The following NUP98 variants were observed in gnomAD, a reference collection of about 807,000 sequenced individuals.
The protein encoded by NUP98 is nucleoporin 98 and 96 precursor, also known as nuclear pore complex protein Nup98-Nup96.
Under a neutral mutation model 191.9 loss-of-function variants are expected in NUP98, and 26 were observed. That is an observed-to-expected ratio of 0.14 (90% CI 0.10 to 0.19). NUP98 has a LOEUF of 0.19. Among genes scored for constraint, NUP98 ranks in the 10% least tolerant of loss-of-function variants. NUP98 has a pLI of 1.00. For missense variants in NUP98, 1,941 were observed against 2,178.8 expected (o/e 0.89, Z 2.17); for synonymous variants, 808 against 778.4 (o/e 1.04, Z -0.63).
Position 3,763,047 on chromosome 11 carries a change from G to T in NUP98, c.949-8C>A. On this transcript the variant is annotated splice_region_variant and splice_polypyrimidine_tract_variant and intron_variant, in intron 8 of 32. Coordinates refer to ENST00000324932, the MANE Select transcript of NUP98 (RefSeq NM_016320.5). The stretch of plus-strand genomic sequence containing the variant: ...GGTTACTCCAAATAATCCCTGCAAA[G>T]AAGTTTATATAGATTAAAAGATATC... The T allele has an allele frequency of 6.2e-7, 1 of 1,613,504 alleles. No individual in the cohort carries two copies. Among genetic ancestry groups the T allele is most frequent in the Non-Finnish European group, 8.5e-7 (1 of 1,179,708 alleles).
intron 26 of NUP98, among the ~76,000 whole-genome samples, chr11:3,694,744 G>GAAA (rs746185283): frequency 8.1e-5 from 10 of 123,004 alleles, no homozygotes; most frequent in African/African-American, 2.9e-4. Flanking sequence ...TGTCTCAAGA[G>GAAA]AAAAAAAAAA....
At chr11:3,794,450 A>G (rs2082461194) in intron 1 of NUP98, among the ~76,000 whole-genome samples, 1 of 152,064 alleles carries the variant, frequency 6.6e-6, no homozygotes, top group Non-Finnish European at 1.5e-5. Flanking sequence ...CCTCCCGAGT[A>G]GCTGGGGCAA....
At chr11:3,754,528 T>C (rs760380443) in intron 10 of NUP98, among the ~76,000 whole-genome samples, 50 of 152,180 alleles carry the variant, frequency 3.3e-4, no homozygotes, top group Non-Finnish European at 5.9e-4. Flanking sequence ...CTTTCCACAG[T>C]AGCTTTTATT....
intron 12 of NUP98, among the ~76,000 whole-genome samples, chr11:3,743,548 G>T (rs1214457413): frequency 6.7e-6 from 1 of 149,050 alleles, no homozygotes; most frequent in African/African-American, 2.5e-5. Flanking sequence ...TCAAGAGGCT[G>T]AGGCGGGAGA....
At chr11:3,735,850 C>T (rs61877589) in intron 12 of NUP98, among the ~76,000 whole-genome samples, 13 of 132,880 alleles carry the variant, frequency 9.8e-5, no homozygotes, top group East Asian at 2.3e-4. Context: ...TGTGTGTGTG[C>T]GTGCGTGTAT....
intron 1 of NUP98, among the ~76,000 whole-genome samples, chr11:3,787,103 T>C (rs1273866827): frequency 8.6e-5 from 13 of 151,974 alleles, no homozygotes; most frequent in African/African-American, 2.9e-4. Context: ...TGAATGAAAA[T>C]TTTTGCCCTA....
chr11:3,729,819 C>A (rs2079774465), intron 14 of NUP98, among the ~76,000 whole-genome samples: 1 of 151,174 alleles, frequency 6.6e-6, no homozygotes, highest in South Asian at 2.1e-4. Flanking sequence ...GTATGTCCTC[C>A]CACTCTAATC....
chr11:3,728,093 G>A (rs74049663), intron 14 of NUP98, among the ~76,000 whole-genome samples: 1,711 of 152,288 alleles, frequency 0.011, 33 homozygotes, highest in African/African-American at 0.039. Flanking sequence ...AGTACAGAGC[G>A]TCAGGGTTAA....
At chr11:3,760,357 C>T in intron 10 of NUP98, 182 bp downstream of exon 10, 1 of 800,898 alleles carries the variant, frequency 1.2e-6, no homozygotes, top group Non-Finnish European at 2.0e-6. Context: ...AAACCTTTCC[C>T]TCTGGTACTT....
In NUP98 at chr11:3,773,642, T is replaced by G. The variant is rs750537531; in HGVS notation, c.593A>C (p.Lys198Thr). The change falls in exon 6 of 33, where the codon AAG becomes ACG. Residue 198 changes from lysine (K) to threonine (T), a missense_variant. Physicochemically the swap from Lys to Thr is moderately conservative, Grantham distance 78 (BLOSUM62 -1). Around this residue, in one of 6 missense-constraint regions of NUP98, gnomAD observed 28 missense variants for 74.0 expected, o/e 0.38. Coordinates refer to ENST00000324932, the MANE Select transcript of NUP98 (RefSeq NM_016320.5). ...TTGTATTTTACTGACCTCTAGTGACTTGCTTTCATATTCTTTCATAGCAGT... is the reference window on the plus strand; with the variant it reads ...TTGTATTTTACTGACCTCTAGTGACGTGCTTTCATATTCTTTCATAGCAGT... Reference protein sequence around the residue: ...CITAMKEYESKSLEELRLEDY... With the variant: ...CITAMKEYESTSLEELRLEDY... 1 of 1,599,752 alleles carries G rather than the reference T, an allele frequency of 6.3e-7. No individual in the cohort carries two copies. The highest frequency in any genetic ancestry group is 8.6e-7 in the Non-Finnish European group (1 of 1,168,178).
rs781458995 is a variant in NUP98 at position 3,679,681 on chromosome 11, T to C, written c.4946A>G (p.Tyr1649Cys). ...SDAIINENYD[Y>C]LKGFLEDLAP... ...CAGGTCTTCCAAGAACCCCTTCAGG[T>C]AGTCATAGTTCTCATTAATGATGGC... The change falls in exon 31 of 33, where the codon TAC (tyrosine) becomes TGC (cysteine). Residue 1649 changes from tyrosine (Y) to cysteine (C), a missense_variant. Transcript: ENST00000324932. 6 of 1,613,918 alleles carry C rather than the reference T, an allele frequency of 3.7e-6. No individual in the cohort carries two copies. The South Asian group carries it at 5.5e-5, about 15-fold the overall frequency.
chr11:3,732,537 G>A (rs542230412), intron 13 of NUP98, among the ~76,000 whole-genome samples: 2 of 151,426 alleles, frequency 1.3e-5, no homozygotes, highest in Non-Finnish European at 2.9e-5. Flanking sequence ...TTGCTCTGGG[G>A]AAAAAAAAGG....
intron 14 of NUP98, among the ~76,000 whole-genome samples, 183 bp downstream of exon 14, chr11:3,731,208 G>A (rs1003856140): frequency 6.6e-6 from 1 of 152,148 alleles, no homozygotes; most frequent in Non-Finnish European, 1.5e-5. Flanking sequence ...AGGTTGCAGT[G>A]AGCAAAGATC....
chr11:3,776,094 G>A, intron 4 of NUP98, 73 bp from the exon 5 acceptor site: 2 of 1,155,126 alleles, frequency 1.7e-6, no homozygotes, highest in Non-Finnish European at 2.5e-6. Context: ...TTGGAATTGG[G>A]CTATGGCACT....
At chr11:3,785,546 G>C (rs1171549317) in intron 1 of NUP98, among the ~76,000 whole-genome samples, 11 of 152,054 alleles carry the variant, frequency 7.2e-5, no homozygotes, top group Non-Finnish European at 1.5e-4. Flanking sequence ...ATCACTTGAG[G>C]CCAAGAGTTT....
Position 3,699,062 on chromosome 11 carries a change from G to A in NUP98, c.4009+20C>T, listed in dbSNP as rs747352138. 7 of 1,610,158 alleles carry A rather than the reference G, an allele frequency of 4.3e-6. No individual in the cohort carries two copies. Among genetic ancestry groups the A allele is most frequent in the Non-Finnish European group, 5.1e-6 (6 of 1,178,356 alleles). ...AGGAAGGCGACAGAGGCGCAGAGAA[G>A]GACCATATGCCTTCCCCACCTGACT... On this transcript the variant is annotated intron_variant, in intron 25 of 32. Transcript: ENST00000324932.
intron 25 of NUP98, 70 bp downstream of exon 25, chr11:3,699,012 C>T (rs2078597614): frequency 3.2e-6 from 5 of 1,547,040 alleles, no homozygotes; most frequent in Non-Finnish European, 1.8e-6. Flanking sequence ...GCACAATTAG[C>T]GGGGAGCGGT....
chr11:3,748,783 A>G (rs1041583879), intron 11 of NUP98, among the ~76,000 whole-genome samples: 5 of 152,192 alleles, frequency 3.3e-5, no homozygotes, highest in Non-Finnish European at 5.9e-5. Flanking sequence ...GGAAGAAACC[A>G]TTATTTGATT....
In NUP98 at chr11:3,771,838, G is replaced by C; in HGVS notation, c.694C>G (p.Pro232Ala). 6.2e-7 allele frequency: 1 copy of C among 1,614,150 alleles called. No individual in the cohort carries two copies. The highest frequency in any genetic ancestry group is 8.5e-7 in the Non-Finnish European group (1 of 1,180,032). Residue 232 changes from proline to alanine, a missense_variant, in exon 7 of 33, where the codon CCA (proline) becomes GCA (alanine). Transcript: ENST00000324932. The part of the protein sequence containing the change: ...GTTTGLFGSS[P>A]ATSSATGLFS... ...AGTCCTGTTGCGCTGGAAGTGGCTGGAGAAGACCCAAACAAGCCAGTTGTG... is the reference window on the plus strand; with the variant it reads ...AGTCCTGTTGCGCTGGAAGTGGCTGCAGAAGACCCAAACAAGCCAGTTGTG...
Sources: gnomAD v4.1 joint callset for allele counts (sites outside exome capture counted in the v4.1 genomes callset) on GRCh38, gnomAD v4.1.1 for gene constraint, gnomAD v4.1.1 regional missense constraint, MANE v1.5 for transcripts, NCBI Gene and HGNC (gene_info 2026-07-23, HGNC 2026-07-21) for gene names.